The following UBAP2L variants were observed in gnomAD, a reference collection of about 807,000 sequenced individuals.
UBAP2L encodes ubiquitin associated protein 2 like.
In UBAP2L, 12 loss-of-function variants were observed where a neutral mutation model predicts 130.6. The observed-to-expected ratio is 0.09, with a 90% CI of 0.06 to 0.15. The LOEUF (loss-of-function observed/expected upper bound fraction) is 0.15, where lower values mean the gene tolerates loss of function less well. Among genes scored for constraint, UBAP2L ranks in the 10% least tolerant of loss-of-function variants. The pLI is 1.00. For missense variants in UBAP2L, 965 were observed against 1,332.5 expected (o/e 0.72, Z 4.29); for synonymous variants, 503 against 524.7 (o/e 0.96, Z 0.57).
In UBAP2L at chr1:154,246,466, G is replaced by A; in HGVS notation, c.1014+91G>A. The A allele has an allele frequency of 2.1e-6, 3 of 1,413,514 alleles. 1 individual carries two copies. In the South Asian group the frequency reaches 4.3e-5, roughly 20 times the overall value. 87.6% of individuals were successfully genotyped at this position (1,413,514 alleles called of 1,614,324 possible). A position where few individuals can be genotyped will look rare whatever the true frequency, so the allele number is the denominator to read the frequency against. The stretch of plus-strand genomic sequence containing the variant: ...CCTTCCAAAGACAGTCAGGTTTTTG[G>A]CAGGTGAAGCATCCTCTTTGTCTTC... On this transcript the variant is annotated intron_variant, in intron 11 of 26. Transcript: ENST00000428931.
At chr1:154,253,615 G>T (rs949788982) in intron 14 of UBAP2L, among the ~76,000 whole-genome samples, 1 of 151,646 alleles carries the variant, frequency 6.6e-6, no homozygotes, top group Admixed American at 6.6e-5. Context: ...CTCGTGATCC[G>T]CCCGCCTCGA....
At chr1:154,263,578 G>A in intron 24 of UBAP2L, 1 of 952,872 alleles carries the variant, frequency 1.0e-6, no homozygotes, top group Non-Finnish European at 1.3e-6. Context: ...AGGGTGGAGG[G>A]TGGCCTTTTT....
rs922426598 is a variant in UBAP2L, at chr1:154,240,850, C to T, written c.704-663C>T. Among the ~76,000 whole-genome samples the T allele has an allele frequency of 4.0e-5, 6 of 151,490 alleles. No homozygotes were observed. The East Asian group carries it at 9.7e-4, about 24-fold the overall frequency. On this transcript the variant is annotated intron_variant, in intron 8 of 26. Transcript: ENST00000428931. ...GTTTGCATGTTATGGTTTAAATTGG[C>T]TGCTGCCATTTCACTGAATTGACCA...
At chr1:154,267,202 C>G (rs1683522931) in intron 25 of UBAP2L, among the ~76,000 whole-genome samples, 1 of 136,222 alleles carries the variant, frequency 7.3e-6, no homozygotes, top group Non-Finnish European at 1.5e-5. Context: ...GTCACCCAGG[C>G]TAGAGTGCAG....
intron 25 of UBAP2L, among the ~76,000 whole-genome samples, chr1:154,266,934 A>C (rs1047617997): frequency 6.6e-6 from 1 of 152,158 alleles, no homozygotes; most frequent in Admixed American, 6.6e-5. Context: ...TTCTTTGAGT[A>C]AATCTATAAC....
intron 8 of UBAP2L, among the ~76,000 whole-genome samples, chr1:154,240,771 CCTT>C (rs1344512215): frequency 6.6e-6 from 1 of 151,816 alleles, no homozygotes; most frequent in East Asian, 1.9e-4. Context: ...GTGCTACTAT[CCTT>C]CTTCAGACTG....
rs1035138872 is a variant in UBAP2L at position 154,234,537 on chromosome 1, G to A, written c.280-54G>A. 4 of 1,592,564 alleles carry A rather than the reference G, an allele frequency of 2.5e-6. No homozygotes were observed. In the South Asian group the frequency reaches 3.3e-5, roughly 13 times the overall value. On this transcript the variant is annotated intron_variant, in intron 4 of 26. Transcript: ENST00000428931. Reference sequence around the variant, plus strand: ...TCAGTCATCCCAGCTTTCATCTCTAGTGTCCTGATAGCACTCCATATTGAT... The same window carrying A: ...TCAGTCATCCCAGCTTTCATCTCTAATGTCCTGATAGCACTCCATATTGAT...
At chr1:154,233,315 CT>C (rs1333129986) in intron 4 of UBAP2L, among the ~76,000 whole-genome samples, 4 of 149,688 alleles carry the variant, frequency 2.7e-5, no homozygotes, top group African/African-American at 7.4e-5. Context: ...GCGCCTGGCC[CT>C]TTTTTTTCTT....
intron 4 of UBAP2L, among the ~76,000 whole-genome samples, chr1:154,229,611 G>A (rs1669139925): frequency 6.6e-6 from 1 of 151,250 alleles, no homozygotes; most frequent in Non-Finnish European, 1.5e-5. Context: ...CCACAGGCAT[G>A]GGCCACCATG....
intron 7 of UBAP2L, 112 bp downstream of exon 7, chr1:154,236,723 C>G: frequency 8.9e-7 from 1 of 1,127,756 alleles, no homozygotes; most frequent in Non-Finnish European, 1.3e-6. Context: ...GATATGGGGA[C>G]TTAGGGCTCA....
chr1:154,236,763 AT>A (rs1217822169), intron 7 of UBAP2L, 152 bp downstream of exon 7: 8 of 748,284 alleles, frequency 1.1e-5, no homozygotes, highest in Non-Finnish European at 1.8e-5. Flanking sequence ...TACCACCTGG[AT>A]CATTACCTAT....
At chr1:154,222,414 A>G (rs945769622) in intron 1 of UBAP2L, among the ~76,000 whole-genome samples, 1 of 152,216 alleles carries the variant, frequency 6.6e-6, no homozygotes, top group South Asian at 2.1e-4. Flanking sequence ...TTGAGATCTG[A>G]CACCATTGTC....
At chr1:154,231,779 A>G (rs934072257) in intron 4 of UBAP2L, among the ~76,000 whole-genome samples, 3 of 152,288 alleles carry the variant, frequency 2.0e-5, no homozygotes, top group East Asian at 3.9e-4. Context: ...TTGTACATAT[A>G]TGTGGCATTT....
rs79007133 is a variant in UBAP2L at position 154,265,179 on chromosome 1, T to G, written c.2903-1322T>G. Among the ~76,000 whole-genome samples, 480 of 152,370 alleles carry G rather than the reference T, an allele frequency of 3.2e-3. 24 individuals carry two copies. In the East Asian group the frequency reaches 0.086, roughly 27 times the overall value. ...GTTGGGAAGGTTTTCCAGATTAAGA[T>G]ACCACTTCAAAAGTGACTGTTCAAG... On this transcript the variant is annotated intron_variant, in intron 24 of 26. Transcript: ENST00000428931.
chr1:154,251,089 G>A lies in UBAP2L; in HGVS notation c.1262G>A (p.Arg421His), dbSNP rs140116554. The stretch of plus-strand genomic sequence containing the variant: ...GCAGTGCACAGCCCCTTTACAAAGC[G>A]CCAGGCTTTTACCCCATCTTCAACC... ...DSAVHSPFTK[R>H]QAFTPSSTMM... Residue 421 changes from arginine (R) to histidine (H), a missense_variant, in exon 13 of 27, where the codon CGC (arginine) becomes CAC (histidine). This residue lies in a region of UBAP2L where 74 missense variants were observed against 97.1 expected (regional missense o/e 0.76). Transcript: ENST00000428931. The A allele has an allele frequency of 8.7e-6, 14 of 1,613,978 alleles. No individual in the cohort carries two copies. The highest frequency in any genetic ancestry group is 1.6e-4 in the Middle Eastern group (1 of 6,062).
At chr1:154,266,256 C>CA (rs1044881782) in intron 24 of UBAP2L, among the ~76,000 whole-genome samples, 13 of 152,030 alleles carry the variant, frequency 8.6e-5, no homozygotes, top group Admixed American at 1.3e-4. Context: ...CCTTGCCCAC[C>CA]AAAAAACAAC....
chr1:154,261,227 C>CA, intron 23 of UBAP2L, 118 bp downstream of exon 23: 1 of 1,238,856 alleles, frequency 8.1e-7, no homozygotes, highest in Non-Finnish European at 1.1e-6. Flanking sequence ...GTTTCCACCT[C>CA]TGGCCTGTTT....
intron 25 of UBAP2L, 39 bp from the exon 26 acceptor site, chr1:154,268,718 G>A (rs373406353): frequency 1.7e-5 from 28 of 1,604,142 alleles, no homozygotes; most frequent in South Asian, 1.4e-4. Context: ...CTAGTTTGCT[G>A]ATCCCTTTTA....
intron 26 of UBAP2L, 49 bp downstream of exon 26, chr1:154,269,003 C>T: frequency 6.3e-7 from 1 of 1,598,662 alleles, no homozygotes. Flanking sequence ...CCTTCCTATC[C>T]CTTAAAACTG....
Sources: gnomAD v4.1 joint callset for allele counts (sites outside exome capture counted in the v4.1 genomes callset) on GRCh38, gnomAD v4.1.1 for gene constraint, gnomAD v4.1.1 regional missense constraint, MANE v1.5 for transcripts, NCBI Gene and HGNC (gene_info 2026-07-23, HGNC 2026-07-21) for gene names.